Variants in SPEF2 observed in about 807,000 individuals in gnomAD.
SPEF2 encodes the protein sperm flagella and cilia-associated protein 2.
A neutral mutation model predicts 224.6 loss-of-function variants in SPEF2; 187 were observed. The observed-to-expected ratio is 0.83, with a 90% CI of 0.74 to 0.94. The LOEUF is 0.94. Among genes scored for constraint, SPEF2 ranks in the 40% least tolerant of loss-of-function variants. SPEF2 has a pLI of 0.00. For synonymous variants in SPEF2, 715 were observed against 707.3 expected, an observed-to-expected ratio of 1.01 and a Z score of -0.17; for missense variants, 2,170 against 2,135.6, an observed-to-expected ratio of 1.02 and a Z score of -0.32.
chr5:35,726,984 C>CA (rs1198395394), intron 20 of SPEF2, among the ~76,000 whole-genome samples: 2 of 73,068 alleles, frequency 2.7e-5, no homozygotes, highest in East Asian at 4.6e-4. Context: ...TCCCAAGCAC[C>CA]CCCCCCCTTT....
chr5:35,707,089 C>G (rs2149583450), intron 18 of SPEF2, among the ~76,000 whole-genome samples: 1 of 152,266 alleles, frequency 6.6e-6, no homozygotes, highest in South Asian at 2.1e-4. Context: ...AGGTAATTAA[C>G]AAATGTTTAA....
At chr5:35,644,306 G>T (rs1227032328) in intron 3 of SPEF2, 49 bp from the exon 4 acceptor site, 1 of 1,377,922 alleles carries the variant, frequency 7.3e-7, no homozygotes, top group East Asian at 2.5e-5. Context: ...TAATGAAAAT[G>T]TACTCTTTAT....
intron 21 of SPEF2, among the ~76,000 whole-genome samples, chr5:35,735,711 G>T (rs1401547196): frequency 6.6e-6 from 1 of 152,124 alleles, no homozygotes; most frequent in Non-Finnish European, 1.5e-5. Context: ...ATATAATATG[G>T]ATCCTCAGCT....
intron 26 of SPEF2, among the ~76,000 whole-genome samples, chr5:35,770,198 G>A (rs1295165350): frequency 6.6e-6 from 1 of 151,994 alleles, no homozygotes; most frequent in Non-Finnish European, 1.5e-5. Flanking sequence ...ACACAAGCCT[G>A]AAGACAAACG....
intron 23 of SPEF2, among the ~76,000 whole-genome samples, chr5:35,749,240 A>G (rs1186091827): frequency 2.6e-5 from 4 of 152,166 alleles, no homozygotes; most frequent in Non-Finnish European, 5.9e-5. Flanking sequence ...ACCCACAGCT[A>G]CCATAATACT....
chr5:35,650,531 A>G (rs1748037526), intron 6 of SPEF2, among the ~76,000 whole-genome samples: 1 of 152,186 alleles, frequency 6.6e-6, no homozygotes, highest in Non-Finnish European at 1.5e-5. Flanking sequence ...GTCCACCAGA[A>G]AGACCATCTT....
At chr5:35,671,827 CA>C (rs1751251578) in intron 10 of SPEF2, among the ~76,000 whole-genome samples, 1 of 151,618 alleles carries the variant, frequency 6.6e-6, no homozygotes, top group East Asian at 1.9e-4. Flanking sequence ...GAGCGTCTAG[CA>C]ATGTACTTTA....
Position 35,682,126 on chromosome 5 carries a change from A to G in SPEF2, c.1525-8911A>G, listed in dbSNP as rs77123457. On this transcript the variant is annotated intron_variant, in intron 10 of 36. Transcript: ENST00000356031. The stretch of plus-strand genomic sequence containing the variant: ...CAGCCAAGCACACCTGCAGAGTGGT[A>G]GGCCAAGGGAAAGCTAGCCATAGAT... Among the ~76,000 whole-genome samples the G allele has an allele frequency of 3.9e-5, 6 of 152,304 alleles. No individual in the cohort carries two copies. In the East Asian group the frequency reaches 1.2e-3, roughly 29 times the overall value.
chr5:35,798,371 A>G (rs1056650827), intron 33 of SPEF2, among the ~76,000 whole-genome samples: 11 of 152,184 alleles, frequency 7.2e-5, no homozygotes, highest in Non-Finnish European at 1.6e-4. Flanking sequence ...ATTGTTGATC[A>G]AGCATGCAAG....
At chr5:35,774,083 C>A in intron 28 of SPEF2, 62 bp downstream of exon 28, 1 of 1,569,868 alleles carries the variant, frequency 6.4e-7, no homozygotes, top group Non-Finnish European at 8.6e-7. Flanking sequence ...AGCCAAACAG[C>A]CCACAACTGG....
rs576117700 is a variant in SPEF2, at chr5:35,659,909, A to G, written c.1167+702A>G. Among the ~76,000 whole-genome samples, 263 of 152,110 alleles carry G rather than the reference A, an allele frequency of 1.7e-3. 1 individual carries two copies. The highest frequency in any genetic ancestry group is 6.2e-3 in the African/African-American group (256 of 41,500). The stretch of plus-strand genomic sequence containing the variant: ...TTCCTTGCCTTCTGAAAAAAAAAAA[A>G]AGAGATTCCTCAGGCCCATATTATG... On this transcript the variant is annotated intron_variant, in intron 8 of 36. Coordinates refer to ENST00000356031, the MANE Select transcript of SPEF2 (RefSeq NM_024867.4).
chr5:35,806,932 A>G lies in SPEF2; in HGVS notation c.5236A>G (p.Ile1746Val). The G allele has an allele frequency of 1.2e-6, 2 of 1,609,104 alleles. No homozygotes were observed. The highest frequency in any genetic ancestry group is 1.7e-6 in the Non-Finnish European group (2 of 1,178,374). ...DSNRFASHLKIENIYAEGFIK... is the reference protein window; with the variant it reads ...DSNRFASHLKVENIYAEGFIK... ...CAATAGATTTGCCAGCCACCTAAAG[A>G]TAGAGAACATTTATGCAGAGGTTGG... The change falls in exon 35 of 37, where the codon ATA becomes GTA. Residue 1746 changes from isoleucine (I) to valine (V), a missense_variant. Transcript: ENST00000356031.
intron 36 of SPEF2, among the ~76,000 whole-genome samples, chr5:35,809,425 C>G (rs905709336): frequency 9.9e-5 from 15 of 151,884 alleles, no homozygotes; most frequent in African/African-American, 3.1e-4. Flanking sequence ...GGGAGTCTGC[C>G]CAAGAAGGAA....
At position 35,807,194 on chromosome 5, in the gene SPEF2, C is replaced by A; in HGVS notation, c.5320C>A (p.Leu1774Ile). 6.2e-7 allele frequency: 1 copy of A among 1,613,902 alleles called. No individual in the cohort carries two copies. Among genetic ancestry groups the A allele is most frequent in the East Asian group, 2.2e-5 (1 of 44,864 alleles). ...KNLEPIEVAVLLKHPFIQDLI... is the reference protein window; with the variant it reads ...KNLEPIEVAVILKHPFIQDLI... ...CCTGGAGCCAATTGAAGTCGCTGTT[C>A]TCTTGAAGCATCCTTTTATTCAAGA... is the stretch of plus-strand genomic sequence containing the variant. Residue 1774 changes from leucine to isoleucine, a missense_variant, in exon 36 of 37, where the codon CTC becomes ATC. Leu to Ile is a conservative substitution (Grantham distance 5, BLOSUM62 2). Transcript: ENST00000356031.
chr5:35,692,587 C>A lies in SPEF2; in HGVS notation c.1762C>A (p.Leu588Ile). 1.2e-6 allele frequency: 2 copies of A among 1,611,034 alleles called. No individual in the cohort carries two copies. Among genetic ancestry groups the A allele is most frequent in the Non-Finnish European group, 1.7e-6 (2 of 1,178,478 alleles). ...SLQKDFPIQI[L>I]SIDTLVQEAI... ...TACTTTAGACTTTCCTATACAGATA[C>A]TTTCTATTGACACTCTTGTCCAAGA... Residue 588 changes from leucine to isoleucine, a missense_variant, in exon 12 of 37, where the codon CTT becomes ATT. Transcript: ENST00000356031.
At chr5:35,775,556 A>T (rs7705904) in intron 28 of SPEF2, among the ~76,000 whole-genome samples, 1 of 151,762 alleles carries the variant, frequency 6.6e-6, no homozygotes, top group South Asian at 2.1e-4. Context: ...AAGAATGTTC[A>T]ATTCTTCCCT....
At chr5:35,809,890 T>C (rs927101894) in intron 36 of SPEF2, among the ~76,000 whole-genome samples, 6 of 152,116 alleles carry the variant, frequency 3.9e-5, no homozygotes, top group African/African-American at 1.4e-4. Context: ...CTCTCTTACA[T>C]TGAACCAGTA....
chr5:35,786,458 G>C (rs1238692109), intron 30 of SPEF2, among the ~76,000 whole-genome samples: 1 of 152,108 alleles, frequency 6.6e-6, no homozygotes, highest in African/African-American at 2.4e-5. Context: ...TCAGGAGTTC[G>C]AGACCAGCCT....
chr5:35,788,492 G>A, intron 30 of SPEF2: 1 of 702,650 alleles, frequency 1.4e-6, no homozygotes, highest in South Asian at 1.5e-5. Context: ...AATCAAAGAA[G>A]CCGAACTTGT....
Sources: allele counts gnomAD v4.1 joint callset (sites outside exome capture counted in the v4.1 genomes callset), GRCh38; gene constraint gnomAD v4.1.1; transcripts MANE v1.5; gene names NCBI Gene and HGNC (gene_info 2026-07-23, HGNC 2026-07-21).